FASTKD1: variants seen among roughly 807,000 people sequenced by gnomAD.
FASTKD1 encodes the protein FAST kinase domain-containing protein 1, mitochondrial.
In FASTKD1, 94 loss-of-function variants were observed where a neutral mutation model predicts 90.9. That is an observed-to-expected ratio of 1.03 (90% CI 0.88 to 1.23). The LOEUF is 1.23. Ranked by LOEUF, FASTKD1 falls within the 50% of genes most tolerant of loss-of-function variation. FASTKD1 has a pLI of 0.00. For missense variants in FASTKD1, 945 were observed against 993.5 expected, an observed-to-expected ratio of 0.95 and a Z score of 0.66; for synonymous variants, 319 against 345.8, an observed-to-expected ratio of 0.92 and a Z score of 0.86.
intron 5 of FASTKD1, among the ~76,000 whole-genome samples, chr2:169,558,934 T>A (rs1166497896): frequency 2.0e-5 from 3 of 151,728 alleles, no homozygotes; most frequent in Non-Finnish European, 4.4e-5. Flanking sequence ...CTTGATATAG[T>A]CTTAAGATGT....
Position 169,546,255 on chromosome 2 carries a change from T to C in FASTKD1, c.1664A>G (p.Asp555Gly), listed in dbSNP as rs757333767. The change falls in exon 8 of 15, where the codon GAT (aspartate) becomes GGT (glycine). Residue 555 changes from aspartate to glycine, a missense_variant. By Grantham distance (94) the Asp-to-Gly change is moderately conservative (BLOSUM62 -1). Transcript: ENST00000453153. Reference protein sequence around the residue: ...STDYLSTLLLDRIASVAVQQI... With the variant: ...STDYLSTLLLGRIASVAVQQI... ...CTGAACAGCCACTGAGGCTATCCTA[T>C]CTAGTAGCAAAGTACTGAGGTAATC... is the stretch of plus-strand genomic sequence containing the variant. The C allele has an allele frequency of 5.6e-6, 9 of 1,607,014 alleles. No individual in the cohort carries two copies. The highest frequency in any genetic ancestry group is 7.7e-6 in the Non-Finnish European group (9 of 1,175,926).
At chr2:169,552,215 A>G (rs1255384926) in intron 7 of FASTKD1, among the ~76,000 whole-genome samples, 1 of 152,214 alleles carries the variant, frequency 6.6e-6, no homozygotes, top group Non-Finnish European at 1.5e-5. Flanking sequence ...TTTAAACTAC[A>G]GAGATACATA....
chr2:169,553,222 A>G (rs987581598), intron 7 of FASTKD1, among the ~76,000 whole-genome samples: 11 of 150,770 alleles, frequency 7.3e-5, no homozygotes, highest in African/African-American at 2.7e-4. Flanking sequence ...AAATACAAAA[A>G]TAAAAATAAA....
chr2:169,544,608 A>G, intron 9 of FASTKD1, 113 bp downstream of exon 9: 1 of 667,600 alleles, frequency 1.5e-6, no homozygotes, highest in South Asian at 1.7e-5. Context: ...TTTTTTAGGT[A>G]GATAATTCAT....
chr2:169,538,091 T>G lies in FASTKD1; in HGVS notation c.1996A>C (p.Asn666His). ...GGGCATTCCAAGCAGACTGATCTAT[T>G]TAACTCCATAAGATGAAACTGGACT... ...ARVQFHLMEL[N>H]RSVCLECPEF... is the part of the protein sequence containing the mutation. Residue 666 changes from asparagine to histidine, a missense_variant, in exon 11 of 15, where the codon AAT (asparagine) becomes CAT (histidine). Transcript: ENST00000453153. 4 of 1,611,570 alleles carry G rather than the reference T, an allele frequency of 2.5e-6. No homozygotes were observed. Among genetic ancestry groups the G allele is most frequent in the Non-Finnish European group, 3.4e-6 (4 of 1,178,918 alleles).
At chr2:169,547,857 C>A (rs1368340911) in intron 7 of FASTKD1, among the ~76,000 whole-genome samples, 2 of 115,208 alleles carry the variant, frequency 1.7e-5, no homozygotes, top group African/African-American at 6.7e-5. Flanking sequence ...TGCACTCCAG[C>A]CTGGGCGACA....
chr2:169,553,790 C>T (rs1417951261), intron 7 of FASTKD1, among the ~76,000 whole-genome samples: 1 of 151,976 alleles, frequency 6.6e-6, no homozygotes, highest in African/African-American at 2.4e-5. Context: ...GGTGTGGCGG[C>T]GGGCACCTGT....
rs1381451739 is a variant in FASTKD1, at chr2:169,528,880, T to C, written c.*945A>G. On this transcript the variant is annotated 3_prime_UTR_variant, in exon 15 of 15. Transcript: ENST00000453153. ...ACTTACCTTCCTTCCTCCTACCTCA[T>C]TGGCCATCCCTGCTCAGTCTCCTTT... is the stretch of plus-strand genomic sequence containing the variant. 6.6e-6 allele frequency among the ~76,000 whole-genome samples: 1 copy of C among 152,104 alleles called. No homozygotes were observed. The highest frequency in any genetic ancestry group is 2.4e-5 in the African/African-American group (1 of 41,400).
At chr2:169,534,463 C>CTTTTTTTTTTTTTTTTTT (rs1210482307) in intron 12 of FASTKD1, among the ~76,000 whole-genome samples, 1 of 110,670 alleles carries the variant, frequency 9.0e-6, no homozygotes, top group African/African-American at 3.4e-5. Flanking sequence ...TTTTTTTTTT[C>CTTTTTTTTTTTTTTTTTT]TTTTTTTTTT....
At chr2:169,536,218 A>G (rs1684717829) in intron 12 of FASTKD1, among the ~76,000 whole-genome samples, 1 of 152,206 alleles carries the variant, frequency 6.6e-6, no homozygotes, top group Non-Finnish European at 1.5e-5. Flanking sequence ...AGTAGGCATT[A>G]TTATCCCCAT....
rs576308089 is a variant in FASTKD1 at position 169,569,261 on chromosome 2, A to G, written c.378-9T>C. 9.9e-6 allele frequency: 16 copies of G among 1,612,792 alleles called. No individual in the cohort carries two copies. In the South Asian group the frequency reaches 1.5e-4, roughly 15 times the overall value. On this transcript the variant is annotated splice_polypyrimidine_tract_variant and intron_variant, in intron 2 of 14. Transcript: ENST00000453153. ...GGGCCTCACCAGCAAACCTTAATAA[A>G]AAAGAAAGAATCCTCCATACATAAT...
At position 169,532,993 on chromosome 2, in the gene FASTKD1, T is replaced by C. The variant is rs567416094; in HGVS notation, c.2189-1503A>G. ...TATGTTACATTTCCCATAATTCCCA[T>C]AAATGTTCAATTTTATCTAAAATTT... On this transcript the variant is annotated intron_variant, in intron 12 of 14. Coordinates refer to ENST00000453153, the MANE Select transcript of FASTKD1 (RefSeq NM_024622.6). Among the ~76,000 whole-genome samples, 70 of 152,202 alleles carry C rather than the reference T, an allele frequency of 4.6e-4. 1 individual carries two copies. Among genetic ancestry groups the C allele is most frequent in the African/African-American group, 1.5e-3 (61 of 41,484 alleles).
At chr2:169,566,087 T>G (rs1256403693) in intron 3 of FASTKD1, among the ~76,000 whole-genome samples, 1 of 152,204 alleles carries the variant, frequency 6.6e-6, no homozygotes, top group Non-Finnish European at 1.5e-5. Context: ...TAATCCCTTG[T>G]CAGATGGGTA....
Position 169,557,255 on chromosome 2 carries a change from G to A in FASTKD1, c.1014C>T (p.Gly338=), listed in dbSNP as rs1325298759. 14 of 1,611,200 alleles carry A rather than the reference G, an allele frequency of 8.7e-6. No individual in the cohort carries two copies. The highest frequency in any genetic ancestry group is 3.4e-5 in the Admixed American group (2 of 59,670). The change falls in exon 6 of 15, where the codon GGC becomes GGT. Residue 338 remains glycine, a synonymous_variant. Transcript: ENST00000453153. ...CTCCCAACACTGCCAGGGCTTGCTC[G>A]CCAGTTAGGTCCTCTGACATCAATA... ...TMLLMSEDLT[G]EQALAVLGAM... is the part of the protein sequence containing the mutation.
intron 12 of FASTKD1, among the ~76,000 whole-genome samples, chr2:169,535,446 T>TTATC (rs1684685761): frequency 8.8e-5 from 7 of 79,588 alleles, no homozygotes; most frequent in South Asian, 4.6e-4. Context: ...TGCTATTTAT[T>TTATC]TATTTATTTA....
intron 7 of FASTKD1, 80 bp downstream of exon 7, chr2:169,555,044 C>T: frequency 2.2e-6 from 3 of 1,340,700 alleles, no homozygotes; most frequent in Middle Eastern, 1.9e-4. Flanking sequence ...TAACTTCTAG[C>T]ACCACTGTAC....
chr2:169,544,473 A>T (rs888913167), intron 9 of FASTKD1, among the ~76,000 whole-genome samples: 1 of 152,164 alleles, frequency 6.6e-6, no homozygotes, highest in African/African-American at 2.4e-5. Context: ...GGGGTGACTG[A>T]GGCAGGAGAA....
At position 169,562,177 on chromosome 2, in the gene FASTKD1, G is replaced by T. The variant is rs140973743; in HGVS notation, c.572+1048C>A. On this transcript the variant is annotated intron_variant, in intron 4 of 14. Coordinates refer to ENST00000453153, the MANE Select transcript of FASTKD1 (RefSeq NM_024622.6). Reference sequence around the variant, plus strand: ...TAATTATTTATTAATTTATTTTTTGGTTTTTTTGGATTTTGTTGTTGTTGT... The same window carrying T: ...TAATTATTTATTAATTTATTTTTTGTTTTTTTTGGATTTTGTTGTTGTTGT... Among the ~76,000 whole-genome samples, 558 of 139,866 alleles carry T rather than the reference G, an allele frequency of 4.0e-3. 2 individuals carry two copies. The highest frequency in any genetic ancestry group is 6.0e-3 in the Admixed American group (83 of 13,836). 91.8% of individuals were successfully genotyped at this position (139,866 alleles called of 152,430 possible). A position where few individuals can be genotyped will look rare whatever the true frequency, so the allele number is the denominator to read the frequency against.
chr2:169,539,153 C>T (rs770810226), intron 10 of FASTKD1, among the ~76,000 whole-genome samples: 5 of 151,492 alleles, frequency 3.3e-5, no homozygotes, highest in Admixed American at 6.6e-5. Flanking sequence ...TTATAATCCC[C>T]GCTACTCGAG....
Sources: allele counts gnomAD v4.1 joint callset (sites outside exome capture counted in the v4.1 genomes callset), GRCh38; gene constraint gnomAD v4.1.1; transcripts MANE v1.5; gene names NCBI Gene and HGNC (gene_info 2026-07-23, HGNC 2026-07-21).